The following ANTXR2 variants were observed in gnomAD, a reference collection of about 807,000 sequenced individuals.
The protein encoded by ANTXR2 is anthrax toxin receptor 2.
ANTXR2 carries 44 observed loss-of-function variants against 73.7 expected under a neutral mutation model. That is an observed-to-expected ratio of 0.60 (90% CI 0.47 to 0.77). ANTXR2 has a LOEUF of 0.77. Ranked by LOEUF, ANTXR2 falls within the 30% of genes least tolerant of loss-of-function variation. The pLI is 0.00. For synonymous variants in ANTXR2, 217 were observed against 205.9 expected, an observed-to-expected ratio of 1.05 and a Z score of -0.46; for missense variants, 604 against 592.5, an observed-to-expected ratio of 1.02 and a Z score of -0.20.
intron 3 of ANTXR2, among the ~76,000 whole-genome samples, chr4:80,066,891 G>T (rs1180592625): frequency 1.3e-5 from 2 of 152,170 alleles, no homozygotes; most frequent in Admixed American, 6.6e-5. Context: ...ACATTATGCT[G>T]CCTCTTTAAA....
intron 10 of ANTXR2, among the ~76,000 whole-genome samples, chr4:80,027,760 C>A (rs913313584): frequency 6.6e-6 from 1 of 152,078 alleles, no homozygotes; most frequent in Admixed American, 6.6e-5. Flanking sequence ...GTTCTTCTTG[C>A]CAAATTACAG....
At chr4:80,066,997 A>C (rs553066041) in intron 3 of ANTXR2, among the ~76,000 whole-genome samples, 1 of 152,206 alleles carries the variant, frequency 6.6e-6, no homozygotes, top group African/African-American at 2.4e-5. Context: ...GGAGATCAGG[A>C]GATCGAGACC....
At chr4:80,013,554 T>C (rs1037360874) in intron 11 of ANTXR2, among the ~76,000 whole-genome samples, 2 of 152,248 alleles carry the variant, frequency 1.3e-5, no homozygotes, top group African/African-American at 4.8e-5. Flanking sequence ...TTCAAATGCC[T>C]GAGCAAGTAA....
At chr4:79,920,746 C>A (rs931676872) in intron 16 of ANTXR2, among the ~76,000 whole-genome samples, 1 of 152,112 alleles carries the variant, frequency 6.6e-6, no homozygotes, top group Non-Finnish European at 1.5e-5. Flanking sequence ...ACCTATAAAT[C>A]TTTTTCTAAA....
chr4:79,948,090 C>T (rs143230708), intron 16 of ANTXR2, among the ~76,000 whole-genome samples: 210 of 152,184 alleles, frequency 1.4e-3, no homozygotes, highest in African/African-American at 4.7e-3. Flanking sequence ...AAACTATTAG[C>T]GTTTCTTAAC....
intron 11 of ANTXR2, among the ~76,000 whole-genome samples, chr4:80,011,313 ATCTG>A (rs1000408650): frequency 7.7e-5 from 9 of 116,786 alleles, no homozygotes; most frequent in South Asian, 5.5e-4. Flanking sequence ...CTATCTATCT[ATCTG>A]TCTATCATCT....
At chr4:80,027,764 A>G (rs1437343160) in intron 10 of ANTXR2, among the ~76,000 whole-genome samples, 2 of 152,116 alleles carry the variant, frequency 1.3e-5, no homozygotes, top group Non-Finnish European at 2.9e-5. Flanking sequence ...TTCTTGCCAA[A>G]TTACAGGTTT....
At position 79,965,095 on chromosome 4, in the gene ANTXR2, GAGCCATAA is replaced by G. The variant is rs1442858767; in HGVS notation, c.1428+12518_1428+12525del. The G allele has an allele frequency of 1.2e-4, 3 of 25,252 alleles. No individual in the cohort carries two copies. In the East Asian group the frequency reaches 0.041, roughly 341 times the overall value. The allele number at this position is 25,252 out of a possible 1,614,324, so 1.6% of individuals were successfully genotyped here. A position where few individuals can be genotyped will look rare whatever the true frequency, so the allele number is the denominator to read the frequency against. On this transcript the variant is annotated intron_variant, in intron 16 of 16. Transcript: ENST00000403729. ...GCCCGGTGCGGCCTCCGAGCCATAA[GAGCCATAA>G]AAGGGGCGCATTTGGCTGGAAATTC...
intron 12 of ANTXR2, among the ~76,000 whole-genome samples, chr4:80,006,854 A>T (rs556432320): frequency 6.6e-6 from 1 of 151,710 alleles, no homozygotes; most frequent in African/African-American, 2.4e-5. Flanking sequence ...GTGATAATTT[A>T]AAAAAAGGAG....
At chr4:79,983,058 G>T (rs1729958055) in intron 14 of ANTXR2, among the ~76,000 whole-genome samples, 1 of 152,044 alleles carries the variant, frequency 6.6e-6, no homozygotes, top group Non-Finnish European at 1.5e-5. Context: ...TAGGAAACGT[G>T]CAACAATGGT....
At chr4:80,062,653 AC>A (rs1734317197) in intron 3 of ANTXR2, among the ~76,000 whole-genome samples, 1 of 152,080 alleles carries the variant, frequency 6.6e-6, no homozygotes, top group East Asian at 1.9e-4. Flanking sequence ...TCATCTTTTC[AC>A]CCCCTCACTG....
At chr4:79,956,812 G>T (rs181116754) in intron 16 of ANTXR2, among the ~76,000 whole-genome samples, 1 of 151,894 alleles carries the variant, frequency 6.6e-6, no homozygotes, top group Non-Finnish European at 1.5e-5. Flanking sequence ...AGCATTGGAA[G>T]TATTGGAAAC....
At chr4:79,945,865 T>C (rs895720642) in intron 16 of ANTXR2, among the ~76,000 whole-genome samples, 1 of 152,146 alleles carries the variant, frequency 6.6e-6, no homozygotes. Flanking sequence ...GCTCACTGAA[T>C]AATGGTCCTA....
At chr4:79,974,358 G>A (rs1375141424) in intron 16 of ANTXR2, among the ~76,000 whole-genome samples, 4 of 152,144 alleles carry the variant, frequency 2.6e-5, no homozygotes, top group Middle Eastern at 3.4e-3. Flanking sequence ...TAATTGAATC[G>A]ACAACTGATG....
chr4:79,936,105 T>G (rs1728247612), intron 16 of ANTXR2, among the ~76,000 whole-genome samples: 1 of 152,214 alleles, frequency 6.6e-6, no homozygotes, highest in Non-Finnish European at 1.5e-5. Context: ...ATTCTAATTT[T>G]GAGATATTAT....
chr4:79,949,911 TATTA>T (rs771531875), intron 16 of ANTXR2, among the ~76,000 whole-genome samples: 55 of 152,318 alleles, frequency 3.6e-4, no homozygotes, highest in Non-Finnish European at 6.6e-4. Context: ...TACTATAGTT[TATTA>T]ATTATCATCC....
intron 16 of ANTXR2, among the ~76,000 whole-genome samples, chr4:79,924,500 T>C (rs1012885127): frequency 2.0e-5 from 3 of 151,956 alleles, no homozygotes; most frequent in African/African-American, 7.2e-5. Context: ...CTAAAATAAA[T>C]AAATAAATAG....
In ANTXR2 at chr4:79,913,017, T is replaced by C. The variant is rs768600762; in HGVS notation, c.1429-5550A>G. Among the ~76,000 whole-genome samples the C allele has an allele frequency of 6.2e-4, 94 of 152,186 alleles. 1 individual carries two copies. Among genetic ancestry groups the C allele is most frequent in the Non-Finnish European group, 1.5e-4 (10 of 68,020 alleles). ...TTCAAATATTTGCTATCTTAAAAGG[T>C]AACATTAGTTTTCAAAGAGTGAATT... is the stretch of plus-strand genomic sequence containing the variant. On this transcript the variant is annotated intron_variant, in intron 16 of 16. Transcript: ENST00000403729.
chr4:79,907,426 CT>C lies in ANTXR2; in HGVS notation c.*2del. ...GTACCTTCTTGGTCTTCCTGCTTCC[CT>C]TTTACTGAGATGGAACTCGGGAGAA... On this transcript the variant is annotated 3_prime_UTR_variant, in exon 17 of 17. Transcript: ENST00000403729. 6.2e-7 allele frequency: 1 copy of C among 1,612,610 alleles called. No homozygotes were observed. Among genetic ancestry groups the C allele is most frequent in the African/African-American group, 1.3e-5 (1 of 74,906 alleles).
Sources: gnomAD v4.1 joint callset for allele counts (sites outside exome capture counted in the v4.1 genomes callset) on GRCh38, gnomAD v4.1.1 for gene constraint, MANE v1.5 for transcripts, NCBI Gene and HGNC (gene_info 2026-07-23, HGNC 2026-07-21) for gene names.